The following CDHR3 variants were observed in gnomAD, a reference collection of about 807,000 sequenced individuals.
CDHR3 encodes cadherin related family member 3.
A neutral mutation model predicts 86.6 loss-of-function variants in CDHR3; 79 were observed. The ratio of observed to expected loss-of-function variants is 0.91; its 90% CI spans 0.76 to 1.10. CDHR3 has a LOEUF of 1.10. Among genes scored for constraint, CDHR3 ranks in the 50% least tolerant of loss-of-function variants. The pLI, the probability that CDHR3 is intolerant of heterozygous loss-of-function variation, is 0.00. For synonymous variants in CDHR3, 421 were observed against 402.4 expected, an observed-to-expected ratio of 1.05 and a Z score of -0.55; for missense variants, 1,081 against 1,077.6, an observed-to-expected ratio of 1.00 and a Z score of -0.04.
In CDHR3 at chr7:105,994,855, C is replaced by G; in HGVS notation, c.608+10C>G. The G allele has an allele frequency of 6.3e-7, 1 of 1,592,488 alleles. No individual in the cohort carries two copies. Among genetic ancestry groups the G allele is most frequent in the Non-Finnish European group, 8.6e-7 (1 of 1,165,656 alleles). On this transcript the variant is annotated intron_variant, in intron 5 of 18. Coordinates refer to ENST00000317716, the MANE Select transcript of CDHR3 (RefSeq NM_152750.5). ...AAGCAGGACACAGAAGGTAGTCTTGCTATTGACCTTGCATGAAGTACTGTT... is the reference window on the plus strand; with the variant it reads ...AAGCAGGACACAGAAGGTAGTCTTGGTATTGACCTTGCATGAAGTACTGTT...
chr7:105,967,760 G>A (rs571902916), intron 1 of CDHR3, among the ~76,000 whole-genome samples: 1 of 152,290 alleles, frequency 6.6e-6, no homozygotes, highest in South Asian at 2.1e-4. Flanking sequence ...CTTCTTTTGA[G>A]AAGTGTCTGT....
chr7:105,967,344 C>T (rs1827133963), intron 1 of CDHR3, among the ~76,000 whole-genome samples: 1 of 152,190 alleles, frequency 6.6e-6, no homozygotes, highest in Non-Finnish European at 1.5e-5. Context: ...TTTTCTTAAT[C>T]CAGTCTATCA....
At chr7:105,977,463 T>C (rs1829003667) in intron 2 of CDHR3, among the ~76,000 whole-genome samples, 1 of 152,190 alleles carries the variant, frequency 6.6e-6, no homozygotes, top group Admixed American at 6.5e-5. Context: ...TCATCTAGGC[T>C]CAAGTGTTTG....
At chr7:105,966,843 A>C (rs547002777) in intron 1 of CDHR3, among the ~76,000 whole-genome samples, 1 of 152,282 alleles carries the variant, frequency 6.6e-6, no homozygotes, top group South Asian at 2.1e-4. Flanking sequence ...GGCCCACCCC[A>C]TAGTGATGCT....
Position 105,975,063 on chromosome 7 carries a change from C to T in CDHR3, c.249+17C>T, listed in dbSNP as rs1828589138. The T allele has an allele frequency of 6.3e-7, 1 of 1,592,658 alleles. No individual in the cohort carries two copies. ...TACTTTGAGGTAAGTAACAACTTAC[C>T]AACATGAGTGTTGCCTGCAAAGAGG... On this transcript the variant is annotated intron_variant, in intron 2 of 18. Coordinates refer to ENST00000317716, the MANE Select transcript of CDHR3 (RefSeq NM_152750.5).
intron 4 of CDHR3, among the ~76,000 whole-genome samples, chr7:105,985,369 C>G (rs995098695): frequency 6.6e-6 from 1 of 152,154 alleles, no homozygotes; most frequent in African/African-American, 2.4e-5. Context: ...GAATCCCACC[C>G]CACTAACCTT....
At chr7:106,000,038 T>C (rs1336010575) in intron 6 of CDHR3, among the ~76,000 whole-genome samples, 1 of 152,256 alleles carries the variant, frequency 6.6e-6, no homozygotes, top group Non-Finnish European at 1.5e-5. Flanking sequence ...GCTGGGGCCA[T>C]ATCCTTCCCT....
chr7:105,992,446 G>A (rs539392508), intron 4 of CDHR3, among the ~76,000 whole-genome samples: 5 of 152,340 alleles, frequency 3.3e-5, no homozygotes, highest in East Asian at 3.9e-4. Context: ...CTGTCAGGCC[G>A]TGAGCTGGAG....
rs1162359573 is a variant in CDHR3 at position 106,030,806 on chromosome 7, G to T, written c.2319G>T (p.Met773Ile). The T allele has an allele frequency of 5.0e-6, 8 of 1,611,470 alleles. No individual in the cohort carries two copies. Among genetic ancestry groups the T allele is most frequent in the African/African-American group, 1.3e-5 (1 of 74,910 alleles). ...ERDVVVETIQ[M>I]NTIFDGEAID... ...CTTCTCCTTAGGAAACTATCCAGAT[G>T]AACACTATCTTTGATGGAGAAGCCA... is the stretch of plus-strand genomic sequence containing the variant. The change falls in exon 18 of 19, where the codon ATG becomes ATT. Residue 773 changes from methionine (M) to isoleucine (I), a missense_variant. Transcript: ENST00000317716. This position sits in a 1 kb window ranked among gnomAD's most constrained non-coding sequence, Gnocchi z 4.8.
chr7:106,017,852 C>T lies in CDHR3; in HGVS notation c.1433C>T (p.Thr478Ile), dbSNP rs1407144190. 2 of 1,575,578 alleles carry T rather than the reference C, an allele frequency of 1.3e-6. No individual in the cohort carries two copies. The highest frequency in any genetic ancestry group is 1.8e-5 in the Admixed American group (1 of 54,174). Reference protein sequence around the residue: ...FDVSERRPARTRVGQVRATDK... With the variant: ...FDVSERRPARIRVGQVRATDK... ...AGGTACTTTATTCCTCCAGCCAGAA[C>T]CCGAGTGGGACAGGTGCGAGCCACT... The change falls in exon 12 of 19, where the codon ACC becomes ATC. Residue 478 changes from threonine (T) to isoleucine (I), a missense_variant. Transcript: ENST00000317716.
At position 105,982,207 on chromosome 7, in the gene CDHR3, G is replaced by C. The variant is rs181295695; in HGVS notation, c.415+1074G>C. 5.4e-3 allele frequency among the ~76,000 whole-genome samples: 821 copies of C among 152,252 alleles called. 7 individuals are homozygous for C. Among genetic ancestry groups the C allele is most frequent in the Non-Finnish European group, 8.4e-3 (570 of 68,018 alleles). Reference sequence around the variant, plus strand: ...TTAAAGGCCGGGCGCGGTGGCTCACGCCTGTAATCTCAGCACTTTGGGAGG... The same window carrying C: ...TTAAAGGCCGGGCGCGGTGGCTCACCCCTGTAATCTCAGCACTTTGGGAGG... On this transcript the variant is annotated intron_variant, in intron 3 of 18. Transcript: ENST00000317716.
At chr7:106,019,738 C>A (rs1836258514) in intron 12 of CDHR3, among the ~76,000 whole-genome samples, 1 of 152,140 alleles carries the variant, frequency 6.6e-6, no homozygotes, top group Non-Finnish European at 1.5e-5. Flanking sequence ...CAGATGAGAT[C>A]CCAGCTTAAC....
intron 8 of CDHR3, among the ~76,000 whole-genome samples, chr7:106,010,507 G>A (rs1283801000): frequency 6.6e-6 from 1 of 152,192 alleles, no homozygotes; most frequent in African/African-American, 2.4e-5. Flanking sequence ...AAATACAGAG[G>A]TGATCTTTGC....
chr7:106,030,249 T>C lies in CDHR3; in HGVS notation c.2305-543T>C, dbSNP rs1838123594. On this transcript the variant is annotated intron_variant, in intron 17 of 18. Transcript: ENST00000317716. This position sits in a 1 kb window ranked among gnomAD's most constrained non-coding sequence, Gnocchi z 4.8. ...GACAGATCAGGGAAGAGAAAAGACC[T>C]GGAGCACAGGGCTTAGGTGAGGCCC... Among the ~76,000 whole-genome samples, 1 of 152,180 alleles carries C rather than the reference T, an allele frequency of 6.6e-6. No homozygotes were observed. Among genetic ancestry groups the C allele is most frequent in the Admixed American group, 6.5e-5 (1 of 15,288 alleles).
Position 106,022,448 on chromosome 7 carries a change from G to C in CDHR3, c.2076G>C (p.Arg692Ser), listed in dbSNP as rs545425336. ...HPTTIITTTP[R>S]PRVTYQVLRK... is the part of the protein sequence containing the mutation. ...CCACTATCATCACCACGACCCCCAG[G>C]GTAAGGGCTTTAGGACCTGGAATCC... The change falls in exon 14 of 19, where the codon AGG (arginine) becomes AGC (serine). Residue 692 changes from arginine (R) to serine (S), a missense_variant and splice_region_variant. Coordinates refer to ENST00000317716, the MANE Select transcript of CDHR3 (RefSeq NM_152750.5). 2 of 1,613,106 alleles carry C rather than the reference G, an allele frequency of 1.2e-6. No individual in the cohort carries two copies. The highest frequency in any genetic ancestry group is 3.3e-5 in the Admixed American group (2 of 59,998).
chr7:106,017,937 C>T lies in CDHR3; in HGVS notation c.1518C>T (p.Leu506=). 6.2e-7 allele frequency: 1 copy of T among 1,612,998 alleles called. No homozygotes were observed. Among genetic ancestry groups the T allele is most frequent in the Non-Finnish European group, 8.5e-7 (1 of 1,179,462 alleles). ...CCATCTCCACTGGAGGGGCCAGCCT[C>T]CAGTATCCAAATGTATTTTGGATTA... ...LYSISTGGAS[L]QYPNVFWINP... is the part of the protein sequence containing the mutation. The change falls in exon 12 of 19, where the codon CTC becomes CTT. Residue 506 remains leucine (L), a synonymous_variant. Transcript: ENST00000317716.
rs1223344553 is a variant in CDHR3 at position 105,963,381 on chromosome 7, G to T, written c.46+17G>T. On this transcript the variant is annotated intron_variant, in intron 1 of 18. Transcript: ENST00000317716. Reference sequence around the variant, plus strand: ...CCATGTCAGGTAGGAACTCAATTTTGCTTTGGAACCTTGCTTGCCTACTTG... The same window carrying T: ...CCATGTCAGGTAGGAACTCAATTTTTCTTTGGAACCTTGCTTGCCTACTTG... 1 of 1,613,448 alleles carries T rather than the reference G, an allele frequency of 6.2e-7. No individual in the cohort carries two copies.
At chr7:106,014,995 T>C (rs1317910949) in intron 9 of CDHR3, 116 bp from the exon 10 acceptor site, 7 of 737,240 alleles carry the variant, frequency 9.5e-6, no homozygotes, top group African/African-American at 8.9e-5. Context: ...GCAAAGTGTT[T>C]GCCAAAAGCG....
intron 16 of CDHR3, 124 bp downstream of exon 16, chr7:106,026,819 C>A: frequency 2.0e-6 from 2 of 1,001,700 alleles, no homozygotes; most frequent in East Asian, 2.5e-5. Context: ...TCAGCTGCAT[C>A]TTCTGTGGCT....
Sources: allele counts gnomAD v4.1 joint callset (sites outside exome capture counted in the v4.1 genomes callset), GRCh38; gene constraint gnomAD v4.1.1; non-coding constraint Gnocchi (gnomAD v3.1); transcripts MANE v1.5; gene names NCBI Gene and HGNC (gene_info 2026-07-23, HGNC 2026-07-21).